Variants in SCN3A observed in about 807,000 individuals in gnomAD.
SCN3A encodes the protein sodium channel protein type 3 subunit alpha.
SCN3A carries 60 observed loss-of-function variants against 187.6 expected under a neutral mutation model. The ratio of observed to expected loss-of-function variants is 0.32; its 90% CI spans 0.26 to 0.40. SCN3A has a LOEUF of 0.40. Ranked by LOEUF, SCN3A falls within the 10% of genes least tolerant of loss-of-function variation. The pLI is 1.00. For missense variants in SCN3A, 1,601 were observed against 2,428.2 expected, an observed-to-expected ratio of 0.66 and a Z score of 7.16; for synonymous variants, 788 against 829.2, an observed-to-expected ratio of 0.95 and a Z score of 0.85.
At chr2:165,125,542 C>A (rs1686940297) in intron 18 of SCN3A, among the ~76,000 whole-genome samples, 1 of 152,088 alleles carries the variant, frequency 6.6e-6, no homozygotes, top group Non-Finnish European at 1.5e-5. Flanking sequence ...TGGTCTCGAT[C>A]TCCTGACCTC....
At chr2:165,102,349 A>G (rs1349297700) in intron 21 of SCN3A, among the ~76,000 whole-genome samples, 1 of 152,156 alleles carries the variant, frequency 6.6e-6, no homozygotes, top group Non-Finnish European at 1.5e-5. Context: ...TATCTCAACA[A>G]AAAAATTTAA....
At chr2:165,166,938 C>T (rs901181833) in intron 5 of SCN3A, among the ~76,000 whole-genome samples, 1 of 150,266 alleles carries the variant, frequency 6.7e-6, no homozygotes, top group African/African-American at 2.5e-5. Flanking sequence ...TTCGCTCTGT[C>T]GTCCAGGCTG....
At chr2:165,118,655 T>C (rs116274988) in intron 18 of SCN3A, among the ~76,000 whole-genome samples, 8 of 152,276 alleles carry the variant, frequency 5.3e-5, no homozygotes, top group Non-Finnish European at 8.8e-5. Context: ...GGCATGATCA[T>C]GGCTCACTGT....
At chr2:165,159,346 T>G (rs879104067) in intron 9 of SCN3A, among the ~76,000 whole-genome samples, 1 of 136,904 alleles carries the variant, frequency 7.3e-6, no homozygotes, top group Non-Finnish European at 1.5e-5. Context: ...GACACTGGTT[T>G]GTTGTTTTGT....
intron 21 of SCN3A, among the ~76,000 whole-genome samples, chr2:165,111,212 G>A (rs1445602314): frequency 1.3e-5 from 2 of 152,092 alleles, no homozygotes; most frequent in Non-Finnish European, 2.9e-5. Context: ...GCGGGCACCT[G>A]TAATCCCAGC....
chr2:165,192,510 G>C (rs190740121), intron 1 of SCN3A, among the ~76,000 whole-genome samples: 9 of 152,228 alleles, frequency 5.9e-5, no homozygotes, highest in African/African-American at 2.2e-4. Context: ...AAGGTCACAT[G>C]ACTAGTAAAT....
At position 165,137,920 on chromosome 2, in the gene SCN3A, T is replaced by G. The variant is rs778744191; in HGVS notation, c.2350A>C (p.Met784Leu). ...TLFMAMEHYPMTEQFSSVLTV... is the reference protein window; with the variant it reads ...TLFMAMEHYPLTEQFSSVLTV... ...AACACACTACTGAATTGCTCAGTCATGGGGTAGTGCTCCATGGCCATAAAG... is the reference window on the plus strand; with the variant it reads ...AACACACTACTGAATTGCTCAGTCAGGGGGTAGTGCTCCATGGCCATAAAG... Residue 784 changes from methionine (M) to leucine (L), a missense_variant, in exon 15 of 28, where the codon ATG becomes CTG. Physicochemically the swap from Met to Leu is conservative, Grantham distance 15. Around this residue, in one of 11 missense-constraint regions of SCN3A, gnomAD observed 376 missense variants for 476.0 expected, o/e 0.79. Transcript: ENST00000283254. 8 of 1,613,240 alleles carry G rather than the reference T, an allele frequency of 5.0e-6. No homozygotes were observed. In the Admixed American group the frequency reaches 1.2e-4, roughly 24 times the overall value.
At chr2:165,193,181 T>C (rs1025890414) in intron 1 of SCN3A, among the ~76,000 whole-genome samples, 1 of 152,094 alleles carries the variant, frequency 6.6e-6, no homozygotes, top group Non-Finnish European at 1.5e-5. Flanking sequence ...ATCAAACCCA[T>C]GAACAAATGC....
At chr2:165,148,376 A>G in intron 11 of SCN3A, among the ~76,000 whole-genome samples, 1 of 152,228 alleles carries the variant, frequency 6.6e-6, no homozygotes, top group Non-Finnish European at 1.5e-5. Context: ...AGTCTATATA[A>G]CAACATATTT....
intron 11 of SCN3A, among the ~76,000 whole-genome samples, chr2:165,150,004 G>A (rs565655842): frequency 6.6e-6 from 1 of 152,192 alleles, no homozygotes; most frequent in East Asian, 1.9e-4. Context: ...AATTATATTA[G>A]ATTTCTTAAG....
Position 165,162,794 on chromosome 2 carries a change from C to T in SCN3A, c.729G>A (p.Ser243=), listed in dbSNP as rs763419735. Residue 243 remains serine, a synonymous_variant, in exon 8 of 28, where the codon TCG becomes TCA. Coordinates refer to ENST00000283254, the MANE Select transcript of SCN3A (RefSeq NM_006922.4). The part of the protein sequence containing the change: ...LKTIVGALIQ[S]VKKLSDVMIL... Reference sequence around the variant, plus strand: ...TCATCACATCAGAAAGCTTCTTTACCGACTGGATCAGGGCCCCCACAATGG... The same window carrying T: ...TCATCACATCAGAAAGCTTCTTTACTGACTGGATCAGGGCCCCCACAATGG... The T allele has an allele frequency of 1.4e-5, 22 of 1,613,956 alleles. No homozygotes were observed. Among genetic ancestry groups the T allele is most frequent in the African/African-American group, 4.0e-5 (3 of 74,906 alleles).
intron 18 of SCN3A, among the ~76,000 whole-genome samples, chr2:165,121,041 A>C (rs1373462090): frequency 3.9e-5 from 6 of 151,958 alleles, no homozygotes; most frequent in African/African-American, 1.4e-4. Flanking sequence ...AGGATACAAA[A>C]GTATTCGTCT....
chr2:165,120,532 T>A (rs907342349), intron 18 of SCN3A, among the ~76,000 whole-genome samples: 8 of 151,990 alleles, frequency 5.3e-5, no homozygotes, highest in Admixed American at 2.0e-4. Context: ...TCTCACAAAC[T>A]GCTGTATGAT....
At chr2:165,176,536 A>G in intron 2 of SCN3A, 92 bp from the exon 3 acceptor site, 1 of 956,798 alleles carries the variant, frequency 1.0e-6, no homozygotes, top group Non-Finnish European at 1.6e-6. Context: ...GTAACTTTTT[A>G]AAGCTATAAA....
intron 1 of SCN3A, among the ~76,000 whole-genome samples, chr2:165,197,209 C>A (rs912477320): frequency 1.5e-4 from 23 of 152,108 alleles, no homozygotes; most frequent in African/African-American, 5.5e-4. Flanking sequence ...AATATCTTTA[C>A]TTAACACATG....
chr2:165,133,629 C>T (rs1296056742), intron 15 of SCN3A, among the ~76,000 whole-genome samples: 1 of 151,860 alleles, frequency 6.6e-6, no homozygotes, highest in South Asian at 2.1e-4. Flanking sequence ...CAAGCATGAG[C>T]CAACACACCC....
chr2:165,163,569 T>G, intron 7 of SCN3A, 49 bp downstream of exon 7: 1 of 1,597,102 alleles, frequency 6.3e-7, no homozygotes, highest in South Asian at 1.1e-5. Context: ...ATAAATTGAT[T>G]TCAAACTCAA....
chr2:165,199,842 C>A (rs1283823521), intron 1 of SCN3A, among the ~76,000 whole-genome samples: 1 of 151,998 alleles, frequency 6.6e-6, no homozygotes, highest in East Asian at 1.9e-4. Context: ...AAATAGGTGT[C>A]TGCACTTGTT....
At chr2:165,155,159 A>T (rs1211576244) in intron 10 of SCN3A, among the ~76,000 whole-genome samples, 1 of 152,170 alleles carries the variant, frequency 6.6e-6, no homozygotes, top group African/African-American at 2.4e-5. Flanking sequence ...CAACTGGATT[A>T]TCAACTTCTA....
Sources: allele counts gnomAD v4.1 joint callset (sites outside exome capture counted in the v4.1 genomes callset), GRCh38; gene constraint gnomAD v4.1.1; regional missense constraint gnomAD v4.1.1; transcripts MANE v1.5; gene names NCBI Gene and HGNC (gene_info 2026-07-23, HGNC 2026-07-21).